The following ZNF469 variants were observed in gnomAD, a reference collection of about 807,000 sequenced individuals.
ZNF469 encodes zinc finger protein 469.
ZNF469 carries 1 observed loss-of-function variant against 1.0 expected under a neutral mutation model. That is an observed-to-expected ratio of 1.00 (90% CI 0.35 to 4.73). The LOEUF is 4.73. ZNF469 is among the 30% of genes most tolerant of loss of function. The pLI is 0.16. For missense variants in ZNF469, 6,100 were observed against 5,356.3 expected (o/e 1.14, Z -4.33); for synonymous variants, 2,703 against 2,363.4 (o/e 1.14, Z -4.17).
In ZNF469 at chr16:88,395,164, T is replaced by C. The variant is rs553142653; in HGVS notation, c.-192+11910T>C. 2.6e-3 allele frequency among the ~76,000 whole-genome samples: 399 copies of C among 152,236 alleles called. 3 individuals carry two copies. The highest frequency in any genetic ancestry group is 9.1e-3 in the African/African-American group (379 of 41,540). Reference sequence around the variant, plus strand: ...CAGGAGGAACTTTCTCTTATGGCCATGGACAGCCAGCCAGGGAGCTCTGTA... The same window carrying C: ...CAGGAGGAACTTTCTCTTATGGCCACGGACAGCCAGCCAGGGAGCTCTGTA... On this transcript the variant is annotated intron_variant, in intron 1 of 2. Transcript: ENST00000565624.
chr16:88,406,114 C>T (rs1905022137), intron 1 of ZNF469, among the ~76,000 whole-genome samples: 1 of 152,256 alleles, frequency 6.6e-6, no homozygotes, highest in African/African-American at 2.4e-5. Context: ...CACCACGAGC[C>T]ACCGTGTCCA....
chr16:88,327,375 G>C, the ZNF469 span, among the ~76,000 whole-genome samples: 1 of 152,248 alleles, frequency 6.6e-6, no homozygotes, highest in African/African-American at 2.4e-5. Flanking sequence ...GGCTTTGGTA[G>C]ATGCACCTTC....
At chr16:88,224,572 G>A in the ZNF469 span, among the ~76,000 whole-genome samples, 1 of 152,214 alleles carries the variant, frequency 6.6e-6, no homozygotes, top group East Asian at 1.9e-4. Context: ...CAGCTTCTCT[G>A]ATGAGGAGAC....
At chr16:88,367,911 A>G in the ZNF469 span, among the ~76,000 whole-genome samples, 1 of 152,238 alleles carries the variant, frequency 6.6e-6, no homozygotes, top group Non-Finnish European at 1.5e-5. Context: ...CTGGGCCAGC[A>G]TCAGCATCAG....
chr16:88,229,662 G>T, the ZNF469 span, among the ~76,000 whole-genome samples: 2 of 13,928 alleles, frequency 1.4e-4, no homozygotes, highest in African/African-American at 1.6e-4. Flanking sequence ...TCACGCGTGT[G>T]GATGTCGCGT....
At chr16:88,262,932 C>T in the ZNF469 span, among the ~76,000 whole-genome samples, 1 of 152,244 alleles carries the variant, frequency 6.6e-6, no homozygotes, top group Non-Finnish European at 1.5e-5. The surrounding 1 kb of genome is among the most constrained non-coding windows in gnomAD (Gnocchi z 4.3). Flanking sequence ...GAGCTCTGAC[C>T]GGCTTGAGTG....
chr16:88,246,170 C>A, the ZNF469 span, among the ~76,000 whole-genome samples: 7 of 152,378 alleles, frequency 4.6e-5, no homozygotes, highest in South Asian at 1.4e-3. Flanking sequence ...GGAGCTCCGC[C>A]TTGCCCATGT....
the ZNF469 span, among the ~76,000 whole-genome samples, chr16:88,242,780 G>A: frequency 2.0e-5 from 3 of 152,198 alleles, no homozygotes; most frequent in East Asian, 3.9e-4. Context: ...ATGGGGCTTG[G>A]CACTGTCTCT....
intron 1 of ZNF469, among the ~76,000 whole-genome samples, chr16:88,393,151 C>G (rs1031035557): frequency 6.6e-6 from 1 of 152,286 alleles, no homozygotes; most frequent in Non-Finnish European, 1.5e-5. Flanking sequence ...TCTATAAATA[C>G]ATTCTAAACG....
the ZNF469 span, among the ~76,000 whole-genome samples, chr16:88,110,431 C>T: frequency 1.8e-4 from 27 of 152,392 alleles, no homozygotes; most frequent in South Asian, 4.1e-4. Context: ...CAGGGGCTGG[C>T]TCTCCCAGGT....
Position 88,430,400 on chromosome 16 carries a change from G to A in ZNF469, c.2930G>A (p.Gly977Asp). 1.3e-6 allele frequency: 2 copies of A among 1,520,734 alleles called. No homozygotes were observed. Among genetic ancestry groups the A allele is most frequent in the East Asian group, 2.5e-5 (1 of 40,290 alleles). 94.2% of individuals were successfully genotyped at this position (1,520,734 alleles called of 1,614,324 possible). A position where few individuals can be genotyped will look rare whatever the true frequency, so the allele number is the denominator to read the frequency against. Residue 977 changes from glycine (G) to aspartate (D), a missense_variant, in exon 3 of 3, where the codon GGC (glycine) becomes GAC (aspartate). Physicochemically the swap from Gly to Asp is moderately conservative, Grantham distance 94 (BLOSUM62 -1). Transcript: ENST00000565624. ...TCGGGCGGCGGCGGCAGAGCCTCCGGCCTGAGGCCCCGGAGGAACGACGGT... is the reference window on the plus strand; with the variant it reads ...TCGGGCGGCGGCGGCAGAGCCTCCGACCTGAGGCCCCGGAGGAACGACGGT... ...SGSGGGGRAS[G>D]LRPRRNDGLG...
the ZNF469 span, among the ~76,000 whole-genome samples, chr16:88,300,913 A>G: frequency 6.6e-6 from 1 of 151,938 alleles, no homozygotes; most frequent in Admixed American, 6.6e-5. Flanking sequence ...GAAAATACAC[A>G]AATTAGCCAA....
At chr16:88,335,947 A>G in the ZNF469 span, among the ~76,000 whole-genome samples, 1 of 151,190 alleles carries the variant, frequency 6.6e-6, no homozygotes, top group Non-Finnish European at 1.5e-5. Context: ...AGACACTAAC[A>G]TGCCAATGCC....
chr16:88,347,316 G>A, the ZNF469 span, among the ~76,000 whole-genome samples: 12 of 152,106 alleles, frequency 7.9e-5, no homozygotes, highest in Admixed American at 2.6e-4. Flanking sequence ...TTGGAAATAG[G>A]GGCTTTGCAG....
chr16:88,265,774 C>G, the ZNF469 span, among the ~76,000 whole-genome samples: 1 of 152,242 alleles, frequency 6.6e-6, no homozygotes, highest in East Asian at 1.9e-4. Flanking sequence ...GCGCGTCTCT[C>G]TCGCAGCCTC....
At chr16:88,133,825 G>T in the ZNF469 span, among the ~76,000 whole-genome samples, 1 of 152,224 alleles carries the variant, frequency 6.6e-6, no homozygotes, top group African/African-American at 2.4e-5. Context: ...CGGACACAGT[G>T]GCTCACGCCT....
At chr16:88,290,675 C>G in the ZNF469 span, among the ~76,000 whole-genome samples, 212 of 152,350 alleles carry the variant, frequency 1.4e-3, 1 homozygote, top group African/African-American at 4.9e-3. Flanking sequence ...CCACCACCCC[C>G]CAACCTCAAC....
the ZNF469 span, among the ~76,000 whole-genome samples, chr16:88,186,166 CA>C: frequency 6.6e-6 from 1 of 152,226 alleles, no homozygotes; most frequent in African/African-American, 2.4e-5. Flanking sequence ...GGGGCGTCCA[CA>C]AGGTGGGTGT....
At chr16:88,397,310 C>G (rs1339766266) in intron 1 of ZNF469, among the ~76,000 whole-genome samples, 1 of 152,230 alleles carries the variant, frequency 6.6e-6, no homozygotes, top group Non-Finnish European at 1.5e-5. Context: ...CTGGGCCATG[C>G]ACTCACCCTG....
Sources: allele counts gnomAD v4.1 joint callset (sites outside exome capture counted in the v4.1 genomes callset), GRCh38; gene constraint gnomAD v4.1.1; non-coding constraint Gnocchi (gnomAD v3.1); transcripts MANE v1.5; gene names NCBI Gene and HGNC (gene_info 2026-07-23, HGNC 2026-07-21).